Variants in GMPR2 observed in about 807,000 individuals in gnomAD.
GMPR2 encodes the protein guanosine monophosphate reductase 2, also known as GMP reductase 2.
GMPR2 carries 32 observed loss-of-function variants against 38.5 expected under a neutral mutation model. The observed-to-expected ratio is 0.83, with a 90% CI of 0.63 to 1.12. The LOEUF is 1.12. GMPR2 is among the 50% of genes most tolerant of loss of function. The probability of loss-of-function intolerance (pLI) is 0.00; values close to 1 mark genes in which losing one functional copy is unlikely to be tolerated. For synonymous variants in GMPR2, 154 were observed against 151.0 expected, an observed-to-expected ratio of 1.02 and a Z score of -0.15; for missense variants, 396 against 432.1, an observed-to-expected ratio of 0.92 and a Z score of 0.74.
Position 24,236,040 on chromosome 14 carries a change from A to G in GMPR2, c.365A>G (p.Gln122Arg), listed in dbSNP as rs2040326695. Residue 122 changes from glutamine (Q) to arginine (R), a missense_variant, in exon 5 of 10, where the codon CAG (glutamine) becomes CGG (arginine). By Grantham distance (43) the Gln-to-Arg change is conservative. Coordinates refer to ENST00000399440, the MANE Select transcript of GMPR2 (RefSeq NM_001002002.3). ...GAACAGATCCTGGAAGCTATTCCCC[A>G]GGTGAAGTATATATGCCTGGATGTG... ...QLEQILEAIP[Q>R]VKYICLDVAN... The G allele has an allele frequency of 1.9e-6, 3 of 1,613,580 alleles. No homozygotes were observed. The highest frequency in any genetic ancestry group is 2.2e-5 in the East Asian group (1 of 44,898).
chr14:24,237,383 G>A (rs770258764), intron 7 of GMPR2, 32 bp downstream of exon 7: 26 of 1,508,252 alleles, frequency 1.7e-5, no homozygotes, highest in African/African-American at 1.4e-4. Flanking sequence ...GGGTATGAGC[G>A]GGGTTTCTGC....
chr14:24,234,165 A>G (rs1443197976), intron 3 of GMPR2: 1 of 1,288,976 alleles, frequency 7.8e-7, no homozygotes, highest in Non-Finnish European at 1.0e-6. Flanking sequence ...TTTCTTATAT[A>G]CAAGTTGTTC....
chr14:24,237,079 T>G lies in GMPR2; in HGVS notation c.474T>G (p.Asn158Lys). 1 of 1,612,244 alleles carries G rather than the reference T, an allele frequency of 6.2e-7. No individual in the cohort carries two copies. The highest frequency in any genetic ancestry group is 8.5e-7 in the Non-Finnish European group (1 of 1,178,276). Residue 158 changes from asparagine (N) to lysine (K), a missense_variant, in exon 6 of 10, where the codon AAT becomes AAG. Asn to Lys is a moderately conservative substitution (Grantham distance 94). Transcript: ENST00000399440. The part of the protein sequence containing the change: ...RFPQHTIMAG[N>K]VVTGEMVEEL... ...CAATTGCTCTGTCTCAGGCAGGGAA[T>G]GTGGTAACAGGAGAGATGGTAGAAG...
intron 5 of GMPR2, among the ~76,000 whole-genome samples, 183 bp downstream of exon 5, chr14:24,236,323 C>A (rs186350690): frequency 1.4e-3 from 210 of 152,160 alleles, no homozygotes; most frequent in African/African-American, 5.0e-3. Flanking sequence ...GTATCTCTGA[C>A]CCTTGGTTCA....
intron 3 of GMPR2, chr14:24,235,408 T>C: frequency 2.9e-6 from 1 of 340,286 alleles, no homozygotes; most frequent in South Asian, 4.2e-5. Context: ...TTCTTCATGG[T>C]TCTTTCATGT....
chr14:24,233,180 C>T, intron 1 of GMPR2, 39 bp from the exon 2 acceptor site: 1 of 1,612,148 alleles, frequency 6.2e-7, no homozygotes, highest in South Asian at 1.1e-5. Flanking sequence ...GCGTTAAAGC[C>T]CAGGGGAAGA....
intron 8 of GMPR2, 175 bp from the exon 9 acceptor site, chr14:24,238,071 A>G: frequency 3.4e-6 from 2 of 583,508 alleles, no homozygotes; most frequent in Non-Finnish European, 6.0e-6. Flanking sequence ...CCACTGAGGA[A>G]TAGAGGCCAG....
chr14:24,236,967 T>C, intron 5 of GMPR2, 104 bp from the exon 6 acceptor site: 1 of 901,706 alleles, frequency 1.1e-6, no homozygotes, highest in African/African-American at 1.6e-5. Context: ...AGTTATCCTT[T>C]CTTTGTAATA....
In GMPR2 at chr14:24,237,144, T is replaced by A; in HGVS notation, c.539T>A (p.Ile180Asn). 1.2e-6 allele frequency: 2 copies of A among 1,607,848 alleles called. No individual in the cohort carries two copies. The highest frequency in any genetic ancestry group is 1.1e-5 in the South Asian group (1 of 90,988). The change falls in exon 6 of 10, where the codon ATT (isoleucine) becomes AAT (asparagine). Residue 180 changes from isoleucine (I) to asparagine (N), a missense_variant. By Grantham distance (149) the Ile-to-Asn change is moderately radical. Transcript: ENST00000399440. ...GGGGCTGACATCATCAAAGTGGGAATTGGGCCAGGTAAGCTGGTTCATTGG... is the reference window on the plus strand; with the variant it reads ...GGGGCTGACATCATCAAAGTGGGAAATGGGCCAGGTAAGCTGGTTCATTGG... ...LSGADIIKVG[I>N]GPGSVCTTRK...
At chr14:24,237,596 A>G (rs908185459) in intron 8 of GMPR2, 34 bp downstream of exon 8, 1 of 1,577,226 alleles carries the variant, frequency 6.3e-7, no homozygotes, top group Non-Finnish European at 8.7e-7. Context: ...GGATGATTCT[A>G]TACAAGAGGA....
At chr14:24,238,168 G>C (rs2040436427) in intron 8 of GMPR2, 78 bp from the exon 9 acceptor site, 4 of 1,254,588 alleles carry the variant, frequency 3.2e-6, no homozygotes, top group Non-Finnish European at 4.5e-6. Context: ...TGAGAATATG[G>C]TGTGAGTTGC....
Position 24,235,976 on chromosome 14 carries a change from G to A in GMPR2, c.301G>A (p.Ala101Thr), listed in dbSNP as rs748180675. Residue 101 changes from alanine to threonine, a missense_variant, in exon 5 of 10, where the codon GCC becomes ACC. Coordinates refer to ENST00000399440, the MANE Select transcript of GMPR2 (RefSeq NM_001002002.3). ...QNPDCLEHLAASSGTGSSDFE... is the reference protein window; with the variant it reads ...QNPDCLEHLATSSGTGSSDFE... ...TCTGTTTCTCCCACAGCATCTGGCT[G>A]CCAGCTCAGGCACAGGCTCTTCTGA... 7 of 1,613,814 alleles carry A rather than the reference G, an allele frequency of 4.3e-6. No individual in the cohort carries two copies. The African/African-American group carries it at 8.0e-5, about 18-fold the overall frequency.
intron 2 of GMPR2, 67 bp from the exon 3 acceptor site, chr14:24,233,412 G>A: frequency 6.2e-7 from 1 of 1,609,120 alleles, no homozygotes; most frequent in Non-Finnish European, 8.5e-7. Context: ...AAAGATGCCT[G>A]TCCTTGTCCT....
chr14:24,233,136 A>G (rs2040135937), intron 1 of GMPR2, 83 bp from the exon 2 acceptor site: 4 of 1,596,036 alleles, frequency 2.5e-6, no homozygotes, highest in East Asian at 2.2e-5. Context: ...ACCTTCCACA[A>G]CTTAAGCGAA....
intron 3 of GMPR2, chr14:24,233,892 C>T: frequency 5.5e-6 from 3 of 545,538 alleles, no homozygotes; most frequent in Non-Finnish European, 9.6e-6. Flanking sequence ...TCCCACCACC[C>T]AGGTCACCCC....
At chr14:24,233,855 T>G (rs1189893992) in intron 3 of GMPR2, 1 of 568,798 alleles carries the variant, frequency 1.8e-6, no homozygotes, top group South Asian at 2.0e-5. Flanking sequence ...TTGTCCTGTT[T>G]AGCAGTTTGT....
chr14:24,233,721 G>A, intron 3 of GMPR2, 123 bp downstream of exon 3: 1 of 1,119,166 alleles, frequency 8.9e-7, no homozygotes. Context: ...AGGATGCTCT[G>A]ATTTACGGTT....
intron 3 of GMPR2, among the ~76,000 whole-genome samples, chr14:24,234,514 A>G (rs909833512): frequency 6.6e-6 from 1 of 152,234 alleles, no homozygotes; most frequent in African/African-American, 2.4e-5. Flanking sequence ...CCTGACCAGT[A>G]GAGTTCAGAA....
chr14:24,235,783 G>T lies in GMPR2; in HGVS notation c.254G>T (p.Trp85Leu). 6.2e-7 allele frequency: 1 copy of T among 1,613,840 alleles called. No individual in the cohort carries two copies. Among genetic ancestry groups the T allele is most frequent in the Non-Finnish European group, 8.5e-7 (1 of 1,179,718 alleles). Reference sequence around the variant, plus strand: ...CATAAGCACTATAGCCTCGTTCAGTGGCAAGAGTTTGCTGGCCAGAATCCT... The same window carrying T: ...CATAAGCACTATAGCCTCGTTCAGTTGCAAGAGTTTGCTGGCCAGAATCCT... ...AVHKHYSLVQ[W>L]QEFAGQNPDC... Residue 85 changes from tryptophan (W) to leucine (L), a missense_variant, in exon 4 of 10, where the codon TGG (tryptophan) becomes TTG (leucine). Trp to Leu is a moderately conservative substitution (Grantham distance 61, BLOSUM62 -2). Transcript: ENST00000399440.
Sources: allele counts gnomAD v4.1 joint callset (sites outside exome capture counted in the v4.1 genomes callset), GRCh38; gene constraint gnomAD v4.1.1; transcripts MANE v1.5; gene names NCBI Gene and HGNC (gene_info 2026-07-23, HGNC 2026-07-21).